The following SORCS3 variants were observed in gnomAD, a reference collection of about 807,000 sequenced individuals.
SORCS3 encodes the protein VPS10 domain-containing receptor SorCS3.
A neutral mutation model predicts 146.3 loss-of-function variants in SORCS3; 57 were observed. The observed-to-expected ratio is 0.39, with a 90% CI of 0.31 to 0.49. The LOEUF is 0.49. SORCS3 is among the 20% of genes least tolerant of loss of function. The pLI, the probability that SORCS3 is intolerant of heterozygous loss-of-function variation, is 0.92. For synonymous variants in SORCS3, 653 were observed against 618.5 expected (o/e 1.06, Z -0.83); for missense variants, 1,341 against 1,575.5 (o/e 0.85, Z 2.52).
intron 1 of SORCS3, among the ~76,000 whole-genome samples, chr10:104,712,897 ACAGT>A (rs150860404): frequency 0.18 from 26,664 of 152,026 alleles, 2,943 homozygotes; most frequent in South Asian, 0.27. Context: ...CCAGTGGGTG[ACAGT>A]CAGTAAACAA....
intron 8 of SORCS3, 91 bp downstream of exon 8, chr10:105,139,577 T>A: frequency 1.0e-6 from 1 of 997,270 alleles, no homozygotes; most frequent in South Asian, 1.4e-5. Context: ...AGGTTTTATC[T>A]GTTTGGAAGG....
chr10:105,180,681 T>C (rs536141523), intron 14 of SORCS3, among the ~76,000 whole-genome samples: 11 of 152,300 alleles, frequency 7.2e-5, no homozygotes, highest in African/African-American at 2.6e-4. Flanking sequence ...AGTATCTATA[T>C]TGACCACCTG....
intron 1 of SORCS3, among the ~76,000 whole-genome samples, chr10:104,699,509 G>A (rs1284937341): frequency 1.3e-5 from 2 of 152,092 alleles, no homozygotes; most frequent in Non-Finnish European, 2.9e-5. Context: ...AAGTATGTGG[G>A]CTCAGCGTGT....
At chr10:104,888,761 G>T (rs2018718885) in intron 2 of SORCS3, among the ~76,000 whole-genome samples, 1 of 152,168 alleles carries the variant, frequency 6.6e-6, no homozygotes, top group Non-Finnish European at 1.5e-5. Context: ...TGTTATACAG[G>T]TGTTAGCTGG....
At chr10:105,052,212 T>A (rs1248652048) in intron 5 of SORCS3, among the ~76,000 whole-genome samples, 1 of 152,138 alleles carries the variant, frequency 6.6e-6, no homozygotes, top group Non-Finnish European at 1.5e-5. Context: ...CCTTGGGAGA[T>A]CTGAAAAGAT....
chr10:104,807,059 A>C (rs2017685775), intron 1 of SORCS3, among the ~76,000 whole-genome samples: 1 of 145,958 alleles, frequency 6.9e-6, no homozygotes, highest in African/African-American at 2.5e-5. Flanking sequence ...TTCTTCTTGC[A>C]TTCAGAATGC....
intron 1 of SORCS3, among the ~76,000 whole-genome samples, chr10:104,677,217 C>T (rs150160742): frequency 3.4e-4 from 52 of 152,312 alleles, no homozygotes; most frequent in Middle Eastern, 6.8e-3. Context: ...CATTTCAACC[C>T]CAATCTGGGC....
At chr10:104,796,527 T>G (rs2133504703) in intron 1 of SORCS3, among the ~76,000 whole-genome samples, 1 of 152,288 alleles carries the variant, frequency 6.6e-6, no homozygotes, top group African/African-American at 2.4e-5. Context: ...AATGGCTTCA[T>G]TTCCCTGCTT....
intron 4 of SORCS3, among the ~76,000 whole-genome samples, chr10:105,017,133 A>T (rs1323985583): frequency 6.7e-6 from 1 of 150,268 alleles, no homozygotes; most frequent in African/African-American, 2.5e-5. Context: ...GTTATTCGTT[A>T]TAATGAAGGG....
At chr10:105,008,735 C>A (rs1291697046) in intron 4 of SORCS3, among the ~76,000 whole-genome samples, 1 of 152,202 alleles carries the variant, frequency 6.6e-6, no homozygotes. Context: ...CAACCTCCCC[C>A]TCGGGGGTTC....
intron 2 of SORCS3, among the ~76,000 whole-genome samples, chr10:104,853,970 G>A (rs186868314): frequency 2.3e-4 from 35 of 152,256 alleles, no homozygotes; most frequent in East Asian, 2.1e-3. Context: ...TGATGAACCC[G>A]AGATTCGTGC....
chr10:104,735,009 T>TA (rs905987313), intron 1 of SORCS3, among the ~76,000 whole-genome samples: 79 of 152,194 alleles, frequency 5.2e-4, no homozygotes, highest in Admixed American at 2.4e-3. Flanking sequence ...TGCAGTTAAT[T>TA]AAAAAAAATC....
intron 3 of SORCS3, among the ~76,000 whole-genome samples, chr10:104,928,200 G>T (rs1247199131): frequency 6.6e-6 from 1 of 152,146 alleles, no homozygotes; most frequent in African/African-American, 2.4e-5. Context: ...GACCTGGGGA[G>T]CCATAGCAGG....
At chr10:104,800,901 A>C (rs2017617039) in intron 1 of SORCS3, among the ~76,000 whole-genome samples, 3 of 152,270 alleles carry the variant, frequency 2.0e-5, no homozygotes, top group Admixed American at 2.0e-4. Context: ...GGTTTCCCTG[A>C]TGGTTGGGCT....
chr10:104,804,030 T>C (rs1564687849), intron 1 of SORCS3, among the ~76,000 whole-genome samples: 1 of 152,210 alleles, frequency 6.6e-6, no homozygotes, highest in Non-Finnish European at 1.5e-5. Flanking sequence ...TTCACAAGTT[T>C]GTGGAGCTAT....
chr10:104,706,374 G>A (rs1184370148), intron 1 of SORCS3, among the ~76,000 whole-genome samples: 9 of 151,466 alleles, frequency 5.9e-5, no homozygotes, highest in African/African-American at 2.2e-4. Context: ...ACGCCCAGGT[G>A]ATTTTTGTAT....
At chr10:105,209,055 C>G (rs936131784) in intron 16 of SORCS3, among the ~76,000 whole-genome samples, 6 of 152,204 alleles carry the variant, frequency 3.9e-5, no homozygotes, top group Admixed American at 3.9e-4. Context: ...TGGGGCTACT[C>G]TCTGCAGTCC....
At chr10:105,148,915 C>A (rs1026073437) in intron 9 of SORCS3, among the ~76,000 whole-genome samples, 1 of 152,068 alleles carries the variant, frequency 6.6e-6, no homozygotes, top group African/African-American at 2.4e-5. Context: ...AGGGAGGGAC[C>A]TAGTGGGAGG....
intron 8 of SORCS3, among the ~76,000 whole-genome samples, chr10:105,146,998 G>A (rs2056135765): frequency 6.6e-6 from 1 of 152,026 alleles, no homozygotes; most frequent in African/African-American, 2.4e-5. Flanking sequence ...CTCTATATCA[G>A]TGATCTTCAA....
Sources: allele counts gnomAD v4.1 joint callset (sites outside exome capture counted in the v4.1 genomes callset), GRCh38; gene constraint gnomAD v4.1.1; transcripts MANE v1.5; gene names NCBI Gene and HGNC (gene_info 2026-07-23, HGNC 2026-07-21).